POLG: variants seen among roughly 807,000 people sequenced by gnomAD.
POLG encodes DNA polymerase gamma, catalytic subunit.
POLG carries 110 observed loss-of-function variants against 155.4 expected under a neutral mutation model. The ratio of observed to expected loss-of-function variants is 0.71; its 90% confidence interval spans 0.61 to 0.83. The LOEUF (loss-of-function observed/expected upper bound fraction) is 0.83, where lower values mean the gene tolerates loss of function less well. Ranked by LOEUF, POLG falls within the 40% of genes least tolerant of loss-of-function variation. The pLI, the probability that POLG is intolerant of heterozygous loss-of-function variation, is 0.00. For synonymous variants in POLG, 701 were observed against 631.5 expected (o/e 1.11, Z -1.65); for missense variants, 1,685 against 1,627.5 (o/e 1.04, Z -0.61).
At position 89,320,783 on chromosome 15, in the gene POLG, G is replaced by T; in HGVS notation, c.2964C>A (p.Ala988=). 1 of 1,613,444 alleles carries T rather than the reference G, an allele frequency of 6.2e-7. No homozygotes were observed. Among genetic ancestry groups the T allele is most frequent in the Non-Finnish European group, 8.5e-7 (1 of 1,180,018 alleles). ...AAEKAQQMYA[A]TKGLRWYRLS... is the part of the protein sequence containing the mutation. ...ACCCTCACCAGCGGAGGCCCTTGGT[G>T]GCAGCGTACATCTGCTGGGCCTTCT... The change falls in exon 18 of 23, where the codon GCC becomes GCA. Residue 988 remains alanine, a synonymous_variant. Transcript: ENST00000268124.
Position 89,333,672 on chromosome 15 carries a change from C to G in POLG, c.83G>C (p.Ser28Thr). The change falls in exon 2 of 23, where the codon AGC becomes ACC. Residue 28 changes from serine (S) to threonine (T), a missense_variant. By Grantham distance (58) the Ser-to-Thr change is moderately conservative (BLOSUM62 1). This residue lies in a region of POLG where 1,210 missense variants were observed against 1,167.1 expected (regional missense o/e 1.04). Coordinates refer to ENST00000268124, the MANE Select transcript of POLG (RefSeq NM_002693.3). Reference protein sequence around the residue: ...PVPAPGRWVSSSVPASDPSDG... With the variant: ...PVPAPGRWVSTSVPASDPSDG... ...GCTGGGGTCGGACGCGGGGACGGAG[C>G]TGGAGACCCAGCGCCCCGGAGCTGG... is the stretch of plus-strand genomic sequence containing the variant. 1.3e-6 allele frequency: 2 copies of G among 1,557,418 alleles called. No individual in the cohort carries two copies. The highest frequency in any genetic ancestry group is 1.7e-6 in the Non-Finnish European group (2 of 1,156,890).
At chr15:89,325,303 T>TGTGG (rs2055499226) in intron 10 of POLG, 147 bp downstream of exon 10, 1 of 679,612 alleles carries the variant, frequency 1.5e-6, no homozygotes. Context: ...AGAGAGGGTG[T>TGTGG]GTGTGTGTGT....
rs1447799185 is a variant in POLG, at chr15:89,319,048, G to GC, written c.3155dup (p.Thr1053HisfsTer8). ...GCTTATTGAACATTTCTGACTCTGTGCCCCCCTTCCATGCCCGTTCAGCAA... is the reference window on the plus strand; with the variant it reads ...GCTTATTGAACATTTCTGACTCTGTGCCCCCCCTTCCATGCCCGTTCAGCAA... On this transcript the variant is annotated frameshift_variant, in exon 20 of 23. Transcript: ENST00000268124. LOFTEE classifies it high-confidence loss of function. 2 of 1,614,028 alleles carry GC rather than the reference G, an allele frequency of 1.2e-6. No homozygotes were observed. The highest frequency in any genetic ancestry group is 1.7e-6 in the Non-Finnish European group (2 of 1,179,976).
At chr15:89,324,290 G>A (rs1223637502) in intron 10 of POLG, 63 bp from the exon 11 acceptor site, 6 of 1,577,184 alleles carry the variant, frequency 3.8e-6, no homozygotes, top group Admixed American at 1.7e-5. Flanking sequence ...GGGCCAGGCA[G>A]CTTGCTAGTG....
rs879801012 is a variant in POLG at position 89,325,249 on chromosome 15, AGAGAGAGAGT to A, written c.1949+191_1949+200del. On this transcript the variant is annotated intron_variant, in intron 10 of 22. Coordinates refer to ENST00000268124, the MANE Select transcript of POLG (RefSeq NM_002693.3). Reference sequence around the variant, plus strand: ...GAGTGAGTGAGAGAGTGAGTGAGTGAGAGAGAGAGTGAGTGAGTGAGTGAGAGAGAGAGAA... The same window carrying A: ...GAGTGAGTGAGAGAGTGAGTGAGTGAGAGTGAGTGAGTGAGAGAGAGAGAA... 0.053 allele frequency among the ~76,000 whole-genome samples: 5,162 copies of A among 96,856 alleles called. 1,274 individuals carry two copies. The highest frequency in any genetic ancestry group is 0.081 in the South Asian group (274 of 3,380). The allele number at this position is 96,856 out of a possible 152,430, so 63.5% of individuals were successfully genotyped here.
chr15:89,316,966 A>T lies in POLG; in HGVS notation c.3644-139T>A. 1.8e-5 allele frequency: 13 copies of T among 707,314 alleles called. No homozygotes were observed. The South Asian group carries it at 2.0e-4, about 11-fold the overall frequency. 43.8% of individuals were successfully genotyped at this position (707,314 alleles called of 1,614,324 possible). A position where few individuals can be genotyped will look rare whatever the true frequency, so the allele number is the denominator to read the frequency against. On this transcript the variant is annotated intron_variant, in intron 22 of 22. Coordinates refer to ENST00000268124, the MANE Select transcript of POLG (RefSeq NM_002693.3). ...CAATTGCCACGAACGGTAATGTTACATGTTAGGAGGGTCTGTTTTCTTTTT... is the reference window on the plus strand; with the variant it reads ...CAATTGCCACGAACGGTAATGTTACTTGTTAGGAGGGTCTGTTTTCTTTTT...
In POLG at chr15:89,319,046, G is replaced by A. The variant is rs375268845; in HGVS notation, c.3158C>T (p.Thr1053Ile). 6.2e-7 allele frequency: 1 copy of A among 1,614,078 alleles called. No homozygotes were observed. Among genetic ancestry groups the A allele is most frequent in the Non-Finnish European group, 8.5e-7 (1 of 1,179,984 alleles). The change falls in exon 20 of 23, where the codon ACA (threonine) becomes ATA (isoleucine). Residue 1053 changes from threonine (T) to isoleucine (I), a missense_variant. By Grantham distance (89) the Thr-to-Ile change is moderately conservative. Around this residue, in one of 3 missense-constraint regions of POLG, gnomAD observed 470 missense variants for 439.9 expected, o/e 1.07. Coordinates refer to ENST00000268124, the MANE Select transcript of POLG (RefSeq NM_002693.3). ...VVAERAWKGG[T>I]ESEMFNKLES... The stretch of plus-strand genomic sequence containing the variant: ...AAGCTTATTGAACATTTCTGACTCT[G>A]TGCCCCCCTTCCATGCCCGTTCAGC...
chr15:89,325,284 A>AGAAAG lies in POLG; in HGVS notation c.1949+165_1949+166insCTTTC, dbSNP rs1555453399. 1.6e-4 allele frequency among the ~76,000 whole-genome samples: 9 copies of AGAAAG among 57,412 alleles called. 4 individuals carry two copies. Among genetic ancestry groups the AGAAAG allele is most frequent in the African/African-American group, 1.2e-3 (9 of 7,786 alleles). 37.7% of individuals were successfully genotyped at this position (57,412 alleles called of 152,430 possible). On this transcript the variant is annotated intron_variant, in intron 10 of 22. Transcript: ENST00000268124. The stretch of plus-strand genomic sequence containing the variant: ...TGAGTGAGTGAGTGAGAGAGAGAGA[A>AGAAAG]AGAGAGAGAGAGAGGGTGTGTGTGT...
At position 89,325,179 on chromosome 15, in the gene POLG, AGAGTGAGT is replaced by A. The variant is rs753140211; in HGVS notation, c.1949+263_1949+270del. On this transcript the variant is annotated intron_variant, in intron 10 of 22. Coordinates refer to ENST00000268124, the MANE Select transcript of POLG (RefSeq NM_002693.3). ...GTGAGTGAGTGAGTGAGAGAGTGAGAGAGTGAGTGAGTGAGAGAGTGAGTGAGAGAGTG... is the reference window on the plus strand; with the variant it reads ...GTGAGTGAGTGAGTGAGAGAGTGAGAGAGTGAGAGAGTGAGTGAGAGAGTG... Among the ~76,000 whole-genome samples, 40 of 59,498 alleles carry A rather than the reference AGAGTGAGT, an allele frequency of 6.7e-4. 8 individuals are homozygous for A. The East Asian group carries it at 0.016, about 24-fold the overall frequency. The allele number at this position is 59,498 out of a possible 152,430, so 39.0% of individuals were successfully genotyped here. A position where few individuals can be genotyped will look rare whatever the true frequency, so the allele number is the denominator to read the frequency against.
rs749605864 is a variant in POLG, at chr15:89,317,542, A to AGAGACCCAATCTACTCTCACAG, written c.3483-28_3483-7dup. On this transcript the variant is annotated splice_polypyrimidine_tract_variant and splice_region_variant and intron_variant, in intron 21 of 22. Coordinates refer to ENST00000268124, the MANE Select transcript of POLG (RefSeq NM_002693.3). ...GCTTGTAGGCAAACATGCACCTGAA[A>AGAGACCCAATCTACTCTCACAG]GAGACCCAATCTACTCTCACAGTCA... 6.2e-7 allele frequency: 1 copy of AGAGACCCAATCTACTCTCACAG among 1,614,058 alleles called. No individual in the cohort carries two copies.
chr15:89,328,960 C>G lies in POLG; in HGVS notation c.1006G>C (p.Ala336Pro), dbSNP rs1248903320. The change falls in exon 4 of 23, where the codon GCC becomes CCC. Residue 336 changes from alanine (A) to proline (P), a missense_variant. Physicochemically the swap from Ala to Pro is conservative, Grantham distance 27. Coordinates refer to ENST00000268124, the MANE Select transcript of POLG (RefSeq NM_002693.3). ...TKQGQKSQRK[A>P]RRGPAISSWD... is the part of the protein sequence containing the mutation. ...GCTCTCACCGCTGGGCCTCTTCTGG[C>G]TTTCCTCTGGGACTTCTGGCCTTGC... 2 of 1,613,960 alleles carry G rather than the reference C, an allele frequency of 1.2e-6. No homozygotes were observed. The highest frequency in any genetic ancestry group is 1.3e-5 in the African/African-American group (1 of 74,936).
intron 12 of POLG, 33 bp downstream of exon 12, chr15:89,323,782 C>T (rs748524743): frequency 6.5e-7 from 1 of 1,550,202 alleles, no homozygotes; most frequent in Non-Finnish European, 8.9e-7. Flanking sequence ...ACCCAGCACC[C>T]ACCTAGAGAA....
At position 89,321,738 on chromosome 15, in the gene POLG, G is replaced by A. The variant is rs748777396; in HGVS notation, c.2596C>T (p.Arg866Trp). 2.5e-5 allele frequency: 41 copies of A among 1,608,114 alleles called. No homozygotes were observed. The highest frequency in any genetic ancestry group is 4.5e-5 in the East Asian group (2 of 44,844). Residue 866 changes from arginine (R) to tryptophan (W), a missense_variant and splice_region_variant, in exon 16 of 23, where the codon CGG (arginine) becomes TGG (tryptophan). By Grantham distance (101) the Arg-to-Trp change is moderately radical. This residue lies in a region of POLG where 1,210 missense variants were observed against 1,167.1 expected (regional missense o/e 1.04). Coordinates refer to ENST00000268124, the MANE Select transcript of POLG (RefSeq NM_002693.3). ...CCAGAGGTACAGAGGTCACATACCC[G>A]GGCATTGCTGGCGGTGAGCCATGTG... ...EPTWLTASNA[R>W]PDRVGSELKA...
rs764554311 is a variant in POLG at position 89,318,998 on chromosome 15, A to G, written c.3206T>C (p.Ile1069Thr). The change falls in exon 20 of 23, where the codon ATA (isoleucine) becomes ACA (threonine). Residue 1069 changes from isoleucine to threonine, a missense_variant. Ile to Thr is a moderately conservative substitution (Grantham distance 89, BLOSUM62 -1). Around this residue, in one of 3 missense-constraint regions of POLG, gnomAD observed 470 missense variants for 439.9 expected, o/e 1.07. Coordinates refer to ENST00000268124, the MANE Select transcript of POLG (RefSeq NM_002693.3). Reference sequence around the variant, plus strand: ...GCAGCCCAGCACCGGGGTACGTGGTATGTCAGACGTAGCAATGCTCTCAAG... The same window carrying G: ...GCAGCCCAGCACCGGGGTACGTGGTGTGTCAGACGTAGCAATGCTCTCAAG... ...NKLESIATSDIPRTPVLGCCI... is the reference protein window; with the variant it reads ...NKLESIATSDTPRTPVLGCCI... 5.0e-6 allele frequency: 8 copies of G among 1,614,114 alleles called. No homozygotes were observed. The South Asian group carries it at 8.8e-5, about 18-fold the overall frequency.
In POLG at chr15:89,322,543, G is replaced by A. The variant is rs115621693; in HGVS notation, c.2426+199C>T. ...TACGAAGGGCTCTCATGGTCCTACA[G>A]CACCATTCTTTTTACATTAACAGGG... On this transcript the variant is annotated intron_variant, in intron 14 of 22. Transcript: ENST00000268124. 0.011 allele frequency among the ~76,000 whole-genome samples: 1,688 copies of A among 152,302 alleles called. 29 individuals carry two copies. Among genetic ancestry groups the A allele is most frequent in the African/African-American group, 0.039 (1,600 of 41,540 alleles).
intron 14 of POLG, among the ~76,000 whole-genome samples, chr15:89,322,236 C>T (rs1209208112): frequency 1.3e-5 from 2 of 152,222 alleles, no homozygotes; most frequent in African/African-American, 2.4e-5. Flanking sequence ...GGCCTCCGAG[C>T]GAGCTTCCGC....
chr15:89,317,739 G>C (rs2055320635), intron 21 of POLG: 1 of 602,070 alleles, frequency 1.7e-6, no homozygotes, highest in African/African-American at 1.9e-5. Context: ...ATACTGAAAT[G>C]CAATTATGGA....
intron 15 of POLG, 48 bp from the exon 16 acceptor site, chr15:89,321,901 C>A (rs1442333291): frequency 1.2e-6 from 2 of 1,607,294 alleles, no homozygotes; most frequent in Non-Finnish European, 1.7e-6. Flanking sequence ...GGTGCTTTGG[C>A]CTTAGGACCT....
intron 10 of POLG, among the ~76,000 whole-genome samples, chr15:89,325,169 A>AGT (rs2055481213): frequency 7.1e-5 from 6 of 84,602 alleles, no homozygotes; most frequent in South Asian, 4.8e-4. Flanking sequence ...TGAGTGAGTG[A>AGT]GAGAGTGAGA....
Sources: allele counts gnomAD v4.1 joint callset (sites outside exome capture counted in the v4.1 genomes callset), GRCh38; gene constraint gnomAD v4.1.1; regional missense constraint gnomAD v4.1.1; transcripts MANE v1.5; gene names NCBI Gene and HGNC (gene_info 2026-07-23, HGNC 2026-07-21).